PDHB: variants seen among roughly 807,000 people sequenced by gnomAD.
The protein encoded by PDHB is pyruvate dehydrogenase E1 subunit beta.
In PDHB, 17 loss-of-function variants were observed where a neutral mutation model predicts 42.8. That is an observed-to-expected ratio of 0.40 (90% CI 0.27 to 0.60). The LOEUF (loss-of-function observed/expected upper bound fraction) is 0.60, where lower values mean the gene tolerates loss of function less well. Among genes scored for constraint, PDHB ranks in the 20% least tolerant of loss-of-function variants. The pLI, the probability that PDHB is intolerant of heterozygous loss-of-function variation, is 0.46. For missense variants in PDHB, 322 were observed against 451.3 expected (o/e 0.71, Z 2.60); for synonymous variants, 154 against 148.7 (o/e 1.04, Z -0.26).
intron 2 of PDHB, 61 bp downstream of exon 2, chr3:58,433,570 C>T: frequency 6.5e-7 from 1 of 1,546,940 alleles, no homozygotes; most frequent in Non-Finnish European, 8.7e-7. Flanking sequence ...ACTCCGGCCT[C>T]CTTCCCGAGA....
chr3:58,429,922 T>C, intron 7 of PDHB, 123 bp from the exon 8 acceptor site: 1 of 758,010 alleles, frequency 1.3e-6, no homozygotes, highest in East Asian at 2.6e-5. Context: ...TCCAGTGAGC[T>C]GAGGAATGTG....
At chr3:58,428,813 C>T in intron 8 of PDHB, 199 bp from the exon 9 acceptor site, 1 of 600,480 alleles carries the variant, frequency 1.7e-6, no homozygotes, top group Non-Finnish European at 3.0e-6. Context: ...ATGTCTACCA[C>T]AAGCAGCTCT....
chr3:58,432,484 G>T lies in PDHB; in HGVS notation c.97-500C>A, dbSNP rs149508713. The T allele has an allele frequency of 2.7e-5, 5 of 187,936 alleles. No individual in the cohort carries two copies. In the East Asian group the frequency reaches 5.9e-4, roughly 22 times the overall value. The allele number at this position is 187,936 out of a possible 1,614,324, so 11.6% of individuals were successfully genotyped here. ...GGCCAAGGCAGGTGGATCACTTGAG[G>T]TCAGGAGTTCGAGACCACCCTGGCC... On this transcript the variant is annotated intron_variant, in intron 2 of 9. Coordinates refer to ENST00000302746, the MANE Select transcript of PDHB (RefSeq NM_000925.4).
At position 58,431,098 on chromosome 3, in the gene PDHB, A is replaced by G; in HGVS notation, c.304-156T>C. The stretch of plus-strand genomic sequence containing the variant: ...CTCACTGTCACCCATGCTGGAGTGC[A>G]GTGGCACACATCATAGCTCACTGCA... On this transcript the variant is annotated intron_variant, in intron 5 of 9. Transcript: ENST00000302746. The surrounding 1 kb of genome is among the most constrained non-coding windows in gnomAD (Gnocchi z 4.4). 1.4e-6 allele frequency: 1 copy of G among 740,596 alleles called. No individual in the cohort carries two copies. The highest frequency in any genetic ancestry group is 2.3e-6 in the Non-Finnish European group (1 of 433,662). The allele number at this position is 740,596 out of a possible 1,614,324, so 45.9% of individuals were successfully genotyped here. A position where few individuals can be genotyped will look rare whatever the true frequency, so the allele number is the denominator to read the frequency against.
chr3:58,427,941 C>T lies in PDHB; in HGVS notation c.*93G>A, dbSNP rs2062885119. 2 of 955,956 alleles carry T rather than the reference C, an allele frequency of 2.1e-6. No homozygotes were observed. The highest frequency in any genetic ancestry group is 3.3e-6 in the Non-Finnish European group (2 of 608,470). 59.2% of individuals were successfully genotyped at this position (955,956 alleles called of 1,614,324 possible). A position where few individuals can be genotyped will look rare whatever the true frequency, so the allele number is the denominator to read the frequency against. On this transcript the variant is annotated 3_prime_UTR_variant, in exon 10 of 10. Transcript: ENST00000302746. Reference sequence around the variant, plus strand: ...TGCTGTTGCTTTAGAAATCGTTTTCCGTTATGAATAGTCAGGTCTTGCAGT... The same window carrying T: ...TGCTGTTGCTTTAGAAATCGTTTTCTGTTATGAATAGTCAGGTCTTGCAGT...
chr3:58,429,906 C>T (rs772873112), intron 7 of PDHB, 107 bp from the exon 8 acceptor site: 26 of 792,276 alleles, frequency 3.3e-5, no homozygotes, highest in Non-Finnish European at 5.0e-5. Flanking sequence ...TTCAATTCAA[C>T]TTCATTCCAG....
In PDHB at chr3:58,431,250, A is replaced by G. The variant is rs2062917722; in HGVS notation, c.304-308T>C. On this transcript the variant is annotated intron_variant, in intron 5 of 9. Coordinates refer to ENST00000302746, the MANE Select transcript of PDHB (RefSeq NM_000925.4). The surrounding 1 kb of genome is among the most constrained non-coding windows in gnomAD (Gnocchi z 4.4). ...TCCCAAATGATGTTTTTAAAAGGTG[A>G]TGTTAAATCTCTTTGGGGATGGGCA... is the stretch of plus-strand genomic sequence containing the variant. The G allele has an allele frequency of 6.5e-6, 3 of 464,376 alleles. No homozygotes were observed. Among genetic ancestry groups the G allele is most frequent in the East Asian group, 8.4e-5 (2 of 23,730 alleles). 28.8% of individuals were successfully genotyped at this position (464,376 alleles called of 1,614,324 possible).
rs1213515328 is a variant in PDHB, at chr3:58,427,909, A to AAAT, written c.*122_*124dup. On this transcript the variant is annotated 3_prime_UTR_variant, in exon 10 of 10. Coordinates refer to ENST00000302746, the MANE Select transcript of PDHB (RefSeq NM_000925.4). ...AACACATTTAAACTTCCCTGTACAA[A>AAAT]AATACCTGCTGTTGCTTTAGAAATC... The AAAT allele has an allele frequency of 1.3e-6, 1 of 767,064 alleles. No homozygotes were observed. The highest frequency in any genetic ancestry group is 2.7e-5 in the East Asian group (1 of 37,388). 47.5% of individuals were successfully genotyped at this position (767,064 alleles called of 1,614,324 possible). A position where few individuals can be genotyped will look rare whatever the true frequency, so the allele number is the denominator to read the frequency against.
chr3:58,430,039 A>C, intron 7 of PDHB, 89 bp downstream of exon 7: 1 of 838,516 alleles, frequency 1.2e-6, no homozygotes, highest in Non-Finnish European at 2.0e-6. Flanking sequence ...TTTTTCAGTC[A>C]AAGTAAATGA....
At position 58,427,792 on chromosome 3, in the gene PDHB, A is replaced by G; in HGVS notation, c.*242T>C. On this transcript the variant is annotated 3_prime_UTR_variant, in exon 10 of 10. Transcript: ENST00000302746. ...TTGTGGTGAGAGAGGATAAAATGTT[A>G]TATAATTTGTTATTCAAAGAACATG... is the stretch of plus-strand genomic sequence containing the variant. 1 of 571,784 alleles carries G rather than the reference A, an allele frequency of 1.7e-6. No individual in the cohort carries two copies. Among genetic ancestry groups the G allele is most frequent in the South Asian group, 1.5e-5 (1 of 65,540 alleles). The allele number at this position is 571,784 out of a possible 1,614,324, so 35.4% of individuals were successfully genotyped here. A position where few individuals can be genotyped will look rare whatever the true frequency, so the allele number is the denominator to read the frequency against.
intron 6 of PDHB, 62 bp from the exon 7 acceptor site, chr3:58,430,300 T>G: frequency 9.5e-7 from 1 of 1,055,020 alleles, no homozygotes; most frequent in Non-Finnish European, 1.5e-6. Flanking sequence ...TAAAACTGCA[T>G]AGAAAGCAAT....
In PDHB at chr3:58,431,571, T is replaced by G. The variant is rs1335594221; in HGVS notation, c.303+22A>C. 6.4e-7 allele frequency: 1 copy of G among 1,571,198 alleles called. No individual in the cohort carries two copies. The highest frequency in any genetic ancestry group is 1.1e-5 in the South Asian group (1 of 90,098). On this transcript the variant is annotated intron_variant, in intron 5 of 9. Transcript: ENST00000302746. The surrounding 1 kb of genome is among the most constrained non-coding windows in gnomAD (Gnocchi z 4.4). ...AAAACAAGAAATGTCTTTGGATAAG[T>G]TTCATAAAGAGTATTACATACCATA...
rs1190498665 is a variant in PDHB, at chr3:58,427,800, T to C, written c.*234A>G. 1 of 589,298 alleles carries C rather than the reference T, an allele frequency of 1.7e-6. No individual in the cohort carries two copies. The highest frequency in any genetic ancestry group is 1.5e-5 in the South Asian group (1 of 65,712). 36.5% of individuals were successfully genotyped at this position (589,298 alleles called of 1,614,324 possible). ...AGAGAGGATAAAATGTTATATAATT[T>C]GTTATTCAAAGAACATGGCAACCGT... On this transcript the variant is annotated 3_prime_UTR_variant, in exon 10 of 10. Transcript: ENST00000302746.
intron 2 of PDHB, chr3:58,432,884 A>T (rs762533675): frequency 1.3e-5 from 2 of 151,936 alleles, no homozygotes; most frequent in Non-Finnish European, 2.9e-5. Flanking sequence ...ATCTAATCAC[A>T]GCTACTCAGG....
chr3:58,427,933 T>C lies in PDHB; in HGVS notation c.*101A>G, dbSNP rs547008035. The C allele has an allele frequency of 1.5e-4, 136 of 890,296 alleles. 4 individuals carry two copies. Among genetic ancestry groups the C allele is most frequent in the South Asian group, 1.2e-3 (89 of 71,486 alleles). The allele number at this position is 890,296 out of a possible 1,614,324, so 55.1% of individuals were successfully genotyped here. A position where few individuals can be genotyped will look rare whatever the true frequency, so the allele number is the denominator to read the frequency against. On this transcript the variant is annotated 3_prime_UTR_variant, in exon 10 of 10. Coordinates refer to ENST00000302746, the MANE Select transcript of PDHB (RefSeq NM_000925.4). Reference sequence around the variant, plus strand: ...AAAATACCTGCTGTTGCTTTAGAAATCGTTTTCCGTTATGAATAGTCAGGT... The same window carrying C: ...AAAATACCTGCTGTTGCTTTAGAAACCGTTTTCCGTTATGAATAGTCAGGT...
intron 2 of PDHB, 101 bp downstream of exon 2, chr3:58,433,530 A>C (rs2062942247): frequency 1.5e-6 from 2 of 1,315,478 alleles, no homozygotes; most frequent in Non-Finnish European, 2.1e-6. Context: ...CCCAAGGCCC[A>C]CGGCGCCGGA....
At chr3:58,428,224 G>A in intron 9 of PDHB, 45 bp from the exon 10 acceptor site, 1 of 1,590,122 alleles carries the variant, frequency 6.3e-7, no homozygotes, top group Non-Finnish European at 8.6e-7. Flanking sequence ...ATGCCAGCTG[G>A]GCACTACCAC....
chr3:58,428,807 C>A (rs778532374), intron 8 of PDHB, 193 bp from the exon 9 acceptor site: 1 of 604,072 alleles, frequency 1.7e-6, no homozygotes, highest in Middle Eastern at 4.4e-4. Context: ...ATCTGTATGT[C>A]TACCACAAGC....
chr3:58,430,552 C>T (rs889820701), intron 6 of PDHB, 105 bp downstream of exon 6: 45 of 911,728 alleles, frequency 4.9e-5, no homozygotes, highest in Middle Eastern at 3.2e-4. Flanking sequence ...ACATTCTATA[C>T]GATATATCTA....
Sources: allele counts gnomAD v4.1 joint callset, GRCh38; gene constraint gnomAD v4.1.1; non-coding constraint Gnocchi (gnomAD v3.1); transcripts MANE v1.5; gene names NCBI Gene and HGNC (gene_info 2026-07-23, HGNC 2026-07-21).